DMD: variants seen among roughly 807,000 people sequenced by gnomAD.
DMD encodes the protein mutant dystrophin.
Under a neutral mutation model 330.1 loss-of-function variants are expected in DMD, and 63 were observed. That is an observed-to-expected ratio of 0.19 (90% CI 0.16 to 0.24). The LOEUF is 0.24. DMD is among the 10% of genes least tolerant of loss of function. DMD has a pLI of 1.00. For missense variants in DMD, 3,344 were observed against 2,684.1 expected (o/e 1.25, Z -5.43); for synonymous variants, 1,223 against 959.8 (o/e 1.27, Z -5.07).
intron 1 of DMD, among the ~76,000 whole-genome samples, chrX:33,244,309 G>T (rs968518713): frequency 1.8e-5 from 2 of 111,624 alleles, no homozygotes; most frequent in Non-Finnish European, 3.8e-5. Flanking sequence ...TAATAAGTGA[G>T]AAAGTCAGCA....
chrX:31,371,252 G>C (rs887763836), intron 60 of DMD, among the ~76,000 whole-genome samples: 1 of 111,012 alleles, frequency 9.0e-6, no homozygotes, highest in African/African-American at 3.3e-5. Flanking sequence ...CTGAGATCTA[G>C]TAGTTCTCAG....
At chrX:32,707,049 G>A (rs933784715) in intron 7 of DMD, among the ~76,000 whole-genome samples, 2 of 110,504 alleles carry the variant, frequency 1.8e-5, no homozygotes, top group African/African-American at 6.6e-5. Flanking sequence ...CCGAGATCAC[G>A]CCACTGTACT....
chrX:32,583,265 G>C (rs754804027), intron 13 of DMD, among the ~76,000 whole-genome samples: 2 of 111,708 alleles, frequency 1.8e-5, no homozygotes, highest in African/African-American at 3.3e-5. Context: ...GCAGGCCGAG[G>C]CTGGCAGATC....
intron 54 of DMD, among the ~76,000 whole-genome samples, chrX:31,636,245 C>T (rs755068990): frequency 1.8e-5 from 2 of 111,111 alleles, no homozygotes; most frequent in Admixed American, 9.6e-5. Context: ...ATGTGTACTA[C>T]GCTTAATACC....
chrX:31,307,224 T>C (rs1454767847), intron 62 of DMD, among the ~76,000 whole-genome samples: 1 of 111,846 alleles, frequency 8.9e-6, no homozygotes, highest in Non-Finnish European at 1.9e-5. Context: ...AAAAATGACT[T>C]TGTAGTTTGA....
At chrX:31,600,801 TG>T (rs1332747937) in intron 55 of DMD, among the ~76,000 whole-genome samples, 3 of 104,975 alleles carry the variant, frequency 2.9e-5, no homozygotes, top group African/African-American at 1.1e-4. Flanking sequence ...ATCTGCATGA[TG>T]TTTTTTTTTT....
intron 17 of DMD, among the ~76,000 whole-genome samples, chrX:32,524,018 C>G (rs1245265940): frequency 9.3e-6 from 1 of 107,164 alleles, no homozygotes; most frequent in Non-Finnish European, 1.9e-5. Flanking sequence ...CTGCAAGCTC[C>G]GCCTCCCAGG....
In DMD at chrX:32,678,555, C is replaced by G. The variant is rs191946126; in HGVS notation, c.960+19315G>C. Among the ~76,000 whole-genome samples, 8 of 110,355 alleles carry G rather than the reference C, an allele frequency of 7.2e-5. No homozygotes were observed. In the East Asian group the frequency reaches 2.3e-3, roughly 31 times the overall value. ...GTATGTGTGTATGGGTGGGTGCCTA[C>G]ATGCTTAGTATATTTTAATCTCCTA... On this transcript the variant is annotated intron_variant, in intron 9 of 78. Coordinates refer to ENST00000357033, the MANE Select transcript of DMD (RefSeq NM_004006.3).
chrX:32,728,979 A>T (rs2067212784), intron 7 of DMD, among the ~76,000 whole-genome samples: 1 of 111,956 alleles, frequency 8.9e-6, no homozygotes, highest in Admixed American at 9.5e-5. Context: ...CTACCACAAA[A>T]GGTGCTAGGG....
intron 2 of DMD, among the ~76,000 whole-genome samples, chrX:32,952,216 C>A (rs2091293811): frequency 9.1e-6 from 1 of 110,129 alleles, no homozygotes; most frequent in East Asian, 2.8e-4. Flanking sequence ...TCACTGCAAC[C>A]TCTGCCTCCT....
intron 59 of DMD, 31 bp downstream of exon 59, chrX:31,478,075 A>G (rs1443284937): frequency 6.7e-6 from 8 of 1,201,854 alleles, no homozygotes; most frequent in Non-Finnish European, 9.0e-6. Flanking sequence ...GAGTCTCTCA[A>G]AGGGCCCTGA....
At chrX:32,199,780 TTGTGTGTGTGTGTGTGTGTG>T (rs35897988) in intron 44 of DMD, among the ~76,000 whole-genome samples, 187 of 84,137 alleles carry the variant, frequency 2.2e-3, no homozygotes, top group African/African-American at 8.2e-3. Context: ...CGCAAGGCTT[TTGTGTGTGTGTGTGTGTGTG>T]TGTGTGTGTG....
intron 37 of DMD, among the ~76,000 whole-genome samples, chrX:32,352,442 A>G (rs2097785032): frequency 9.0e-6 from 1 of 111,112 alleles, no homozygotes; most frequent in African/African-American, 3.2e-5. Flanking sequence ...GTATAAACTC[A>G]TAATCAATAC....
chrX:33,244,883 T>C (rs2052642107), intron 1 of DMD, among the ~76,000 whole-genome samples: 1 of 111,912 alleles, frequency 8.9e-6, no homozygotes, highest in Admixed American at 9.5e-5. Flanking sequence ...CAAGCCCTAG[T>C]GTCTTCAAGT....
At chrX:31,748,198 A>C (rs1398336414) in intron 51 of DMD, among the ~76,000 whole-genome samples, 1 of 112,155 alleles carries the variant, frequency 8.9e-6, no homozygotes, top group African/African-American at 3.2e-5. Flanking sequence ...TGAAGGCTTC[A>C]ATCCAAACTA....
intron 2 of DMD, among the ~76,000 whole-genome samples, chrX:32,934,529 A>G (rs913626589): frequency 1.8e-5 from 2 of 111,524 alleles, no homozygotes; most frequent in African/African-American, 6.5e-5. Context: ...TTAAATTTAA[A>G]AATAGAAAAA....
intron 1 of DMD, among the ~76,000 whole-genome samples, chrX:33,022,315 A>G (rs2093929350): frequency 9.0e-6 from 1 of 110,798 alleles, no homozygotes; most frequent in South Asian, 3.8e-4. Flanking sequence ...TTTCAATTAT[A>G]TGGACAAGGA....
At chrX:32,205,041 ACC>A (rs1557210687) in intron 44 of DMD, among the ~76,000 whole-genome samples, 1,669 of 73,432 alleles carry the variant, frequency 0.023, 32 homozygotes, top group African/African-American at 0.05. Flanking sequence ...ACACACACAC[ACC>A]CACACACACA....
intron 37 of DMD, among the ~76,000 whole-genome samples, chrX:32,350,845 A>G (rs969333245): frequency 9.0e-6 from 1 of 111,036 alleles, no homozygotes; most frequent in Non-Finnish European, 1.9e-5. Context: ...TTCCTAATAT[A>G]GACCTTTTTT....
Sources: gnomAD v4.1 joint callset for allele counts (sites outside exome capture counted in the v4.1 genomes callset) on GRCh38, gnomAD v4.1.1 for gene constraint, MANE v1.5 for transcripts, NCBI Gene and HGNC (gene_info 2026-07-23, HGNC 2026-07-21) for gene names.